Variants in ZNF670 observed in about 807,000 individuals in gnomAD.
ZNF670 encodes zinc finger protein 670.
In ZNF670, 7 loss-of-function variants were observed where a neutral mutation model predicts 10.9. The observed-to-expected ratio is 0.64, with a 90% confidence interval of 0.36 to 1.20. The LOEUF is 1.20. ZNF670 is among the 50% of genes most tolerant of loss of function. The pLI is 0.02. For missense variants in ZNF670, 446 were observed against 458.6 expected, an observed-to-expected ratio of 0.97 and a Z score of 0.25; for synonymous variants, 136 against 152.7, an observed-to-expected ratio of 0.89 and a Z score of 0.81.
chr1:247,070,897 CT>C (rs1161604539), intron 1 of ZNF670, among the ~76,000 whole-genome samples: 3 of 152,170 alleles, frequency 2.0e-5, no homozygotes, highest in Non-Finnish European at 4.4e-5. Context: ...TGCTCAACAT[CT>C]CTAATCATTA....
At chr1:247,045,158 A>G (rs757514059) in intron 1 of ZNF670, among the ~76,000 whole-genome samples, 3 of 152,226 alleles carry the variant, frequency 2.0e-5, no homozygotes, top group African/African-American at 4.8e-5. Context: ...CAGTACGTGT[A>G]TAGGAAAAAC....
intron 1 of ZNF670, among the ~76,000 whole-genome samples, chr1:247,076,721 C>T (rs1007006902): frequency 4.0e-5 from 6 of 150,204 alleles, no homozygotes; most frequent in African/African-American, 1.5e-4. Flanking sequence ...AGTGCAGTGG[C>T]ACCATCTCAG....
intron 1 of ZNF670, among the ~76,000 whole-genome samples, chr1:247,063,797 ACT>A (rs545431615): frequency 1.7e-3 from 258 of 151,852 alleles, no homozygotes; most frequent in African/African-American, 5.8e-3. Context: ...CCAAGTGAAA[ACT>A]CTCCTCCGAT....
chr1:247,040,625 G>C (rs1039058820), intron 1 of ZNF670, among the ~76,000 whole-genome samples: 9 of 152,162 alleles, frequency 5.9e-5, no homozygotes, highest in Non-Finnish European at 8.8e-5. Flanking sequence ...TTAATGTGGA[G>C]ATAAACAAAT....
chr1:247,043,856 C>A, intron 1 of ZNF670: 2 of 336,288 alleles, frequency 5.9e-6, no homozygotes, highest in African/African-American at 2.2e-5. Flanking sequence ...GCCATTTCCA[C>A]TAATGAAGAG....
At chr1:247,039,863 T>C (rs1424411946) in intron 1 of ZNF670, among the ~76,000 whole-genome samples, 1 of 152,232 alleles carries the variant, frequency 6.6e-6, no homozygotes, top group Non-Finnish European at 1.5e-5. Flanking sequence ...CATAACGAAG[T>C]CATGCTATTT....
At position 247,037,558 on chromosome 1, in the gene ZNF670, C is replaced by A; in HGVS notation, c.1061G>T (p.Ser354Ile). ...KSFTSSSALR[S>I]HERTHTGEKP... ...TTCTCCAGTATGAGTCCTTTCATGG[C>A]TTCGAAGGGCACTGGAAGAAGTAAA... Residue 354 changes from serine (S) to isoleucine (I), a missense_variant, in exon 4 of 4, where the codon AGC becomes ATC. Coordinates refer to ENST00000366503, the MANE Select transcript of ZNF670 (RefSeq NM_033213.5). The A allele has an allele frequency of 6.2e-7, 1 of 1,612,530 alleles. No homozygotes were observed. Among genetic ancestry groups the A allele is most frequent in the Non-Finnish European group, 8.5e-7 (1 of 1,179,540 alleles).
rs1298221465 is a variant in ZNF670 at position 247,035,059 on chromosome 1, A to G, written c.*2390T>C. Among the ~76,000 whole-genome samples, 1 of 152,126 alleles carries G rather than the reference A, an allele frequency of 6.6e-6. No individual in the cohort carries two copies. On this transcript the variant is annotated 3_prime_UTR_variant, in exon 4 of 4. Coordinates refer to ENST00000366503, the MANE Select transcript of ZNF670 (RefSeq NM_033213.5). ...ACAAAGCACTGTGTAGACCAAAGTG[A>G]AAGTCCACCATCAATTGCTGTTTCT...
intron 2 of ZNF670, among the ~76,000 whole-genome samples, 186 bp from the exon 3 acceptor site, chr1:247,039,056 C>CTTT (rs1558335545): frequency 8.6e-6 from 1 of 116,058 alleles, no homozygotes; most frequent in Non-Finnish European, 1.7e-5. Flanking sequence ...TTTTTTCTTT[C>CTTT]TTTCTTTTTT....
chr1:247,060,530 G>A (rs1481409040), intron 1 of ZNF670, among the ~76,000 whole-genome samples: 1 of 152,222 alleles, frequency 6.6e-6, no homozygotes, highest in Non-Finnish European at 1.5e-5. Flanking sequence ...AGGAGAAACT[G>A]AGGGTAATCT....
chr1:247,046,925 G>A (rs1418520548), intron 1 of ZNF670, among the ~76,000 whole-genome samples: 1 of 152,216 alleles, frequency 6.6e-6, no homozygotes, highest in Non-Finnish European at 1.5e-5. Context: ...AAACAAAGGG[G>A]CTACAGGCCC....
At chr1:247,043,884 A>G in intron 1 of ZNF670, 2 of 321,470 alleles carry the variant, frequency 6.2e-6, no homozygotes, top group South Asian at 5.7e-5. Flanking sequence ...GGAGAATTAA[A>G]CTGAATCTGA....
chr1:247,077,680 G>A (rs1263829348), intron 1 of ZNF670, among the ~76,000 whole-genome samples: 1 of 152,156 alleles, frequency 6.6e-6, no homozygotes, highest in Non-Finnish European at 1.5e-5. Context: ...TGATAATGTT[G>A]CATTTGAATA....
chr1:247,060,371 G>T (rs1024874804), intron 1 of ZNF670, among the ~76,000 whole-genome samples: 5 of 152,154 alleles, frequency 3.3e-5, no homozygotes, highest in African/African-American at 1.2e-4. Flanking sequence ...CAACAGAAAA[G>T]GTCTGGTCTC....
intron 1 of ZNF670, among the ~76,000 whole-genome samples, chr1:247,078,009 C>T (rs1671292017): frequency 6.6e-6 from 1 of 152,196 alleles, no homozygotes; most frequent in Non-Finnish European, 1.5e-5. Flanking sequence ...CACCAATTAA[C>T]CTCTGGTTAC....
chr1:247,059,964 T>C (rs1363289325), intron 1 of ZNF670, among the ~76,000 whole-genome samples: 1 of 152,128 alleles, frequency 6.6e-6, no homozygotes, highest in African/African-American at 2.4e-5. Context: ...ACTATACATT[T>C]CTAATGATAG....
At chr1:247,072,405 T>A (rs1235852491) in intron 1 of ZNF670, among the ~76,000 whole-genome samples, 1 of 150,450 alleles carries the variant, frequency 6.6e-6, no homozygotes, top group East Asian at 2.0e-4. Flanking sequence ...TCCGCCCACA[T>A]CAGCCTCCCA....
intron 1 of ZNF670, among the ~76,000 whole-genome samples, chr1:247,067,453 A>G (rs927872685): frequency 6.6e-6 from 1 of 151,106 alleles, no homozygotes; most frequent in African/African-American, 2.4e-5. Context: ...AAAAAAAAAA[A>G]AGACTTGTCT....
At chr1:247,071,048 A>G (rs1671102694) in intron 1 of ZNF670, among the ~76,000 whole-genome samples, 1 of 152,262 alleles carries the variant, frequency 6.6e-6, no homozygotes, top group Non-Finnish European at 1.5e-5. Context: ...GCCACTGTGG[A>G]AAGCATTTTG....
Sources: allele counts gnomAD v4.1 joint callset (sites outside exome capture counted in the v4.1 genomes callset), GRCh38; gene constraint gnomAD v4.1.1; transcripts MANE v1.5; gene names NCBI Gene and HGNC (gene_info 2026-07-23, HGNC 2026-07-21).